The following TRIP12 variants were observed in gnomAD, a reference collection of about 807,000 sequenced individuals.
TRIP12 encodes thyroid hormone receptor interactor 12.
Under a neutral mutation model 244.2 loss-of-function variants are expected in TRIP12, and 25 were observed. That is an observed-to-expected ratio of 0.10 (90% confidence interval 0.07 to 0.14). The LOEUF (loss-of-function observed/expected upper bound fraction) is 0.14, where lower values mean the gene tolerates loss of function less well. TRIP12 is among the 10% of genes least tolerant of loss of function. The pLI is 1.00. For synonymous variants in TRIP12, 905 were observed against 873.1 expected, an observed-to-expected ratio of 1.04 and a Z score of -0.64; for missense variants, 1,677 against 2,486.4, an observed-to-expected ratio of 0.67 and a Z score of 6.92.
chr2:229,821,180 A>G (rs1364756103), intron 8 of TRIP12, among the ~76,000 whole-genome samples: 1 of 152,196 alleles, frequency 6.6e-6, no homozygotes, highest in East Asian at 1.9e-4. Flanking sequence ...AGTGAAAAAC[A>G]CAATGATTGC....
chr2:229,892,703 A>C (rs1576763881), intron 1 of TRIP12, among the ~76,000 whole-genome samples: 1 of 151,984 alleles, frequency 6.6e-6, no homozygotes, highest in Non-Finnish European at 1.5e-5. Context: ...CCTTCTCCAC[A>C]AAAAATACAA....
In TRIP12 at chr2:229,778,039, C is replaced by T. The variant is rs1419562195; in HGVS notation, c.5364+394G>A. ...CACTCGGGTTATTTTCACAACAGCA[C>T]TCTAATGTAAATTTAATGAAGTTTA... is the stretch of plus-strand genomic sequence containing the variant. On this transcript the variant is annotated intron_variant, in intron 36 of 41. Coordinates refer to ENST00000675903, the MANE Select transcript of TRIP12 (RefSeq NM_001348323.3). The surrounding 1 kb of genome is among the most constrained non-coding windows in gnomAD (Gnocchi z 4.1). Among the ~76,000 whole-genome samples, 1 of 152,198 alleles carries T rather than the reference C, an allele frequency of 6.6e-6. No homozygotes were observed. The highest frequency in any genetic ancestry group is 1.5e-5 in the Non-Finnish European group (1 of 68,038).
chr2:229,829,181 A>G lies in TRIP12; in HGVS notation c.1450+12T>C, dbSNP rs1253754681. On this transcript the variant is annotated intron_variant, in intron 8 of 41. Transcript: ENST00000675903. ...TATTGAGGGATTTCAGGGAAGGAAC[A>G]TTTTTACTTACTAGCTCCACTTCCA... 1.2e-6 allele frequency: 2 copies of G among 1,612,824 alleles called. No individual in the cohort carries two copies. The highest frequency in any genetic ancestry group is 2.2e-5 in the South Asian group (2 of 90,892).
chr2:229,905,274 CA>C (rs371131914), intron 1 of TRIP12, among the ~76,000 whole-genome samples: 4,564 of 67,236 alleles, frequency 0.068, 196 homozygotes, highest in African/African-American at 0.2. Flanking sequence ...AACTCCGTCT[CA>C]AAAAAAAAAA....
intron 5 of TRIP12, among the ~76,000 whole-genome samples, chr2:229,838,879 T>C (rs1158540010): frequency 1.3e-5 from 2 of 152,224 alleles, no homozygotes; most frequent in East Asian, 3.8e-4. Flanking sequence ...TTATGACTTA[T>C]AGGCACCAAG....
intron 1 of TRIP12, among the ~76,000 whole-genome samples, chr2:229,903,780 C>A (rs1228847683): frequency 8.6e-5 from 13 of 151,366 alleles, no homozygotes; most frequent in African/African-American, 3.2e-4. Flanking sequence ...CTTTGGGATG[C>A]CAAAGCAGAC....
At chr2:229,870,805 A>G (rs1399928054) in intron 2 of TRIP12, among the ~76,000 whole-genome samples, 2 of 152,138 alleles carry the variant, frequency 1.3e-5, no homozygotes, top group African/African-American at 2.4e-5. Flanking sequence ...CAAGAAAAGG[A>G]AAGTTAAGTT....
At chr2:229,832,529 C>A (rs2053709958) in intron 6 of TRIP12, among the ~76,000 whole-genome samples, 1 of 152,240 alleles carries the variant, frequency 6.6e-6, no homozygotes, top group Non-Finnish European at 1.5e-5. Flanking sequence ...AATAACTACA[C>A]ACTATAATGC....
intron 1 of TRIP12, among the ~76,000 whole-genome samples, chr2:229,884,236 C>CTTTTTTT (rs200052292): frequency 2.5e-4 from 31 of 123,562 alleles, no homozygotes; most frequent in Middle Eastern, 4.4e-3. Flanking sequence ...TTTTTCTTTT[C>CTTTTTTT]TTTTTTTTTT....
At chr2:229,837,373 G>A (rs920684642) in intron 5 of TRIP12, among the ~76,000 whole-genome samples, 3 of 152,182 alleles carry the variant, frequency 2.0e-5, no homozygotes, top group African/African-American at 7.2e-5. Context: ...GGTAGCTCAT[G>A]CCTGTAACCC....
intron 1 of TRIP12, among the ~76,000 whole-genome samples, chr2:229,910,294 A>G (rs2074008464): frequency 6.6e-6 from 1 of 152,250 alleles, no homozygotes. Flanking sequence ...GAGATACAGT[A>G]AACTCTCAGA....
At chr2:229,874,016 A>AT (rs1278792176) in intron 2 of TRIP12, among the ~76,000 whole-genome samples, 1 of 151,542 alleles carries the variant, frequency 6.6e-6, no homozygotes, top group Non-Finnish European at 1.5e-5. Context: ...TAATTATCTG[A>AT]TTTTAAAATG....
At chr2:229,792,660 G>T (rs1056419182) in intron 27 of TRIP12, among the ~76,000 whole-genome samples, 4 of 152,092 alleles carry the variant, frequency 2.6e-5, no homozygotes, top group Non-Finnish European at 5.9e-5. Flanking sequence ...TCAGGTTAGG[G>T]ATGTTCAACC....
chr2:229,884,720 C>T (rs1227851021), intron 1 of TRIP12, among the ~76,000 whole-genome samples: 1 of 152,132 alleles, frequency 6.6e-6, no homozygotes, highest in Non-Finnish European at 1.5e-5. Flanking sequence ...GTAGTCTCTG[C>T]TGCTGGGAGG....
chr2:229,779,563 A>G (rs895444098), intron 34 of TRIP12, among the ~76,000 whole-genome samples: 4 of 152,196 alleles, frequency 2.6e-5, no homozygotes, highest in Non-Finnish European at 5.9e-5. Context: ...TAGCCATTTA[A>G]TAGAGATATG....
chr2:229,827,657 T>C (rs1009278625), intron 8 of TRIP12, among the ~76,000 whole-genome samples: 3 of 152,138 alleles, frequency 2.0e-5, no homozygotes, highest in African/African-American at 7.2e-5. Context: ...ATGACAACAA[T>C]GCCTTCTTCT....
At chr2:229,840,789 T>A (rs780800490) in intron 5 of TRIP12, 33 bp downstream of exon 5, 1 of 1,373,010 alleles carries the variant, frequency 7.3e-7, no homozygotes, top group Admixed American at 2.3e-5. Flanking sequence ...AGAATAAAAA[T>A]GAACTCACTA....
intron 1 of TRIP12, among the ~76,000 whole-genome samples, chr2:229,888,987 T>C (rs573008130): frequency 1.4e-4 from 22 of 152,224 alleles, no homozygotes; most frequent in Non-Finnish European, 3.2e-4. Context: ...TGGATATATG[T>C]AATTTCCCTG....
chr2:229,921,027 TCCC>T (rs757356322), intron 1 of TRIP12, among the ~76,000 whole-genome samples: 3 of 92,998 alleles, frequency 3.2e-5, no homozygotes, highest in Non-Finnish European at 6.7e-5. Context: ...CCCACCTCCC[TCCC>T]CCAAGTCCTA....
Sources: gnomAD v4.1 joint callset for allele counts (sites outside exome capture counted in the v4.1 genomes callset) on GRCh38, gnomAD v4.1.1 for gene constraint, Gnocchi (gnomAD v3.1) non-coding constraint, MANE v1.5 for transcripts, NCBI Gene and HGNC (gene_info 2026-07-23, HGNC 2026-07-21) for gene names.